SPRY3: variants seen among roughly 807,000 people sequenced by gnomAD.
SPRY3 encodes protein sprouty homolog 3.
Under a neutral mutation model 20.2 loss-of-function variants are expected in SPRY3, and 15 were observed. The ratio of observed to expected loss-of-function variants is 0.74; its 90% CI spans 0.50 to 1.14. SPRY3 has a LOEUF of 1.14. Among genes scored for constraint, SPRY3 ranks in the 50% most tolerant of loss-of-function variants. SPRY3 has a pLI of 0.00. For missense variants in SPRY3, 364 were observed against 363.9 expected (o/e 1.00, Z 0.00); for synonymous variants, 143 against 136.5 (o/e 1.05, Z -0.33).
intron 2 of SPRY3, among the ~76,000 whole-genome samples, chrX:155,737,210 A>C (rs1458205459): frequency 1.3e-5 from 2 of 152,056 alleles, no homozygotes; most frequent in Non-Finnish European, 2.9e-5. Flanking sequence ...TGTGATGCTT[A>C]CCTTGTCTCT....
intron 2 of SPRY3, among the ~76,000 whole-genome samples, chrX:155,704,047 A>C (rs1319764488): frequency 6.6e-6 from 1 of 151,926 alleles, no homozygotes; most frequent in Non-Finnish European, 1.5e-5. Flanking sequence ...ATTTCAAGGC[A>C]TAAAATCTAT....
chrX:155,714,059 A>G (rs1435817919), intron 2 of SPRY3, among the ~76,000 whole-genome samples: 5 of 152,038 alleles, frequency 3.3e-5, no homozygotes, highest in Non-Finnish European at 7.4e-5. Context: ...AAGTTTTTAA[A>G]TCTTTGTGTT....
chrX:155,697,633 G>GGTGT (rs746391298), intron 2 of SPRY3, among the ~76,000 whole-genome samples: 3 of 104,742 alleles, frequency 2.9e-5, no homozygotes, highest in African/African-American at 1.0e-4. Flanking sequence ...TGTAGGTAGG[G>GGTGT]GTGTGTGTGT....
intron 1 of SPRY3, among the ~76,000 whole-genome samples, chrX:155,649,389 A>G (rs782161513): frequency 9.0e-6 from 1 of 111,668 alleles, no homozygotes; most frequent in South Asian, 3.7e-4. Context: ...TGGCAAACCA[A>G]ATCCAGCAGC....
At chrX:155,713,835 G>T (rs1470721535) in intron 2 of SPRY3, among the ~76,000 whole-genome samples, 3 of 151,880 alleles carry the variant, frequency 2.0e-5, no homozygotes, top group Non-Finnish European at 4.4e-5. Context: ...TCTTAGATTT[G>T]CCCTTTTGAG....
intron 1 of SPRY3, among the ~76,000 whole-genome samples, chrX:155,629,366 A>G (rs782317267): frequency 9.0e-6 from 1 of 110,805 alleles, no homozygotes; most frequent in South Asian, 3.9e-4. Context: ...ATAGTATTCC[A>G]TGGTGTATAT....
chrX:155,654,175 A>G (rs1341798283), intron 1 of SPRY3, among the ~76,000 whole-genome samples: 1 of 112,215 alleles, frequency 8.9e-6, no homozygotes, highest in African/African-American at 3.2e-5. Flanking sequence ...TTTGTTGTAG[A>G]CAACATGTAG....
At position 155,719,972 on chromosome X, in the gene SPRY3, G is replaced by T. The variant is rs775230083; in HGVS notation, c.-281-47990G>T. On this transcript the variant is annotated intron_variant, in intron 2 of 3. Coordinates refer to ENST00000675360, the Ensembl canonical transcript of SPRY3. Reference sequence around the variant, plus strand: ...GAGGTACCAGCTCAGCCACAAGGGGGTGAAGCACCAAATGGGCTCTTGGAG... The same window carrying T: ...GAGGTACCAGCTCAGCCACAAGGGGTTGAAGCACCAAATGGGCTCTTGGAG... 1.2e-4 allele frequency among the ~76,000 whole-genome samples: 18 copies of T among 152,238 alleles called. No individual in the cohort carries two copies. The South Asian group carries it at 2.9e-3, about 25-fold the overall frequency.
chrX:155,774,744 C>A (rs761196543), exon 4 of SPRY3: 3 of 1,604,102 alleles, frequency 1.9e-6, no homozygotes, highest in South Asian at 1.1e-5. Flanking sequence ...TATGACCTTC[C>A]AACAAGGTGG....
intron 2 of SPRY3, among the ~76,000 whole-genome samples, chrX:155,694,489 A>G (rs896680454): frequency 1.6e-4 from 18 of 111,588 alleles, no homozygotes; most frequent in African/African-American, 5.9e-4. Context: ...CACCAGTTTC[A>G]TGGAAGACAA....
intron 2 of SPRY3, among the ~76,000 whole-genome samples, chrX:155,766,938 C>T (rs1255488509): frequency 6.6e-6 from 1 of 152,150 alleles, no homozygotes; most frequent in East Asian, 1.9e-4. Flanking sequence ...AACCCTTAAA[C>T]AAAGGAGAAG....
At chrX:155,742,315 C>T (rs1453065147) in intron 2 of SPRY3, among the ~76,000 whole-genome samples, 1 of 152,012 alleles carries the variant, frequency 6.6e-6, no homozygotes, top group Non-Finnish European at 1.5e-5. Context: ...TATATGCACC[C>T]AATACAGAAG....
chrX:155,773,311 T>TAC (rs1556238642), intron 3 of SPRY3, among the ~76,000 whole-genome samples: 23 of 127,760 alleles, frequency 1.8e-4, no homozygotes, highest in African/African-American at 6.5e-4. Context: ...TGATTGGATA[T>TAC]ATATATATAT....
intron 2 of SPRY3, among the ~76,000 whole-genome samples, chrX:155,689,782 T>G (rs1368893096): frequency 1.2e-5 from 1 of 86,721 alleles, no homozygotes; most frequent in East Asian, 3.4e-4. Context: ...CTGGATTCAT[T>G]TATCTTTTGA....
intron 3 of SPRY3, among the ~76,000 whole-genome samples, chrX:155,769,612 A>G (rs2091368797): frequency 6.6e-6 from 1 of 152,218 alleles, no homozygotes; most frequent in Non-Finnish European, 1.5e-5. Flanking sequence ...ATTAGATGTG[A>G]ATTCATTTGG....
chrX:155,725,182 G>C (rs1380423251), intron 2 of SPRY3, among the ~76,000 whole-genome samples: 1 of 152,146 alleles, frequency 6.6e-6, no homozygotes, highest in Non-Finnish European at 1.5e-5. Flanking sequence ...CTTGATCATG[G>C]TGGATAAGCT....
chrX:155,718,441 G>A (rs1021531463), intron 2 of SPRY3, among the ~76,000 whole-genome samples: 1 of 151,978 alleles, frequency 6.6e-6, no homozygotes, highest in Non-Finnish European at 1.5e-5. Flanking sequence ...GAAAACATAT[G>A]AGCCTGACAC....
Position 155,725,473 on chromosome X carries a change from A to G in SPRY3, c.-281-42489A>G, listed in dbSNP as rs180923988. ...TGGACGTTTTTTTGGTTGGTGGGCT[A>G]TTAATTATTGCTTCAATTTCAGAGC... On this transcript the variant is annotated intron_variant, in intron 2 of 3. Transcript: ENST00000675360. Among the ~76,000 whole-genome samples, 295 of 152,214 alleles carry G rather than the reference A, an allele frequency of 1.9e-3. 1 individual carries two copies. Among genetic ancestry groups the G allele is most frequent in the Admixed American group, 4.3e-3 (66 of 15,282 alleles).
chrX:155,643,204 G>A (rs1482037169), intron 1 of SPRY3, among the ~76,000 whole-genome samples: 14 of 111,530 alleles, frequency 1.3e-4, no homozygotes, highest in African/African-American at 4.6e-4. Flanking sequence ...TCACTGAATT[G>A]ACCCCTTTAT....
Sources: gnomAD v4.1 joint callset for allele counts (sites outside exome capture counted in the v4.1 genomes callset) on GRCh38, gnomAD v4.1.1 for gene constraint, MANE v1.5 for transcripts, NCBI Gene and HGNC (gene_info 2026-07-23, HGNC 2026-07-21) for gene names.